Variants in ABCB10 observed in about 807,000 individuals in gnomAD.
The protein encoded by ABCB10 is ATP-binding cassette sub-family B member 10, mitochondrial.
ABCB10 carries 54 observed loss-of-function variants against 65.4 expected under a neutral mutation model. The observed-to-expected ratio is 0.83, with a 90% CI of 0.66 to 1.04. The LOEUF (loss-of-function observed/expected upper bound fraction) is 1.04, where lower values mean the gene tolerates loss of function less well. Ranked by LOEUF, ABCB10 falls within the 50% of genes least tolerant of loss-of-function variation. The pLI, the probability that ABCB10 is intolerant of heterozygous loss-of-function variation, is 0.00. For synonymous variants in ABCB10, 418 were observed against 406.5 expected (o/e 1.03, Z -0.34); for missense variants, 846 against 976.6 (o/e 0.87, Z 1.78).
At chr1:229,538,706 C>T (rs1213105017) in intron 6 of ABCB10, among the ~76,000 whole-genome samples, 2 of 152,188 alleles carry the variant, frequency 1.3e-5, no homozygotes, top group Non-Finnish European at 2.9e-5. Context: ...AATGCCTCTA[C>T]CTTCAACAAT....
At chr1:229,519,148 A>T (rs1293165937) in intron 11 of ABCB10, 7 of 311,700 alleles carry the variant, frequency 2.2e-5, no homozygotes, top group Non-Finnish European at 4.1e-5. Flanking sequence ...GCTGCTAAAG[A>T]GTAGAGGGTC....
intron 6 of ABCB10, among the ~76,000 whole-genome samples, chr1:229,536,011 C>T (rs1299960439): frequency 6.6e-6 from 1 of 152,072 alleles, no homozygotes; most frequent in Non-Finnish European, 1.5e-5. Flanking sequence ...CAGGAGTGAG[C>T]CACTGCGCCC....
chr1:229,521,481 A>T, intron 11 of ABCB10, 111 bp downstream of exon 11: 1 of 1,364,884 alleles, frequency 7.3e-7, no homozygotes, highest in Non-Finnish European at 1.0e-6. Context: ...AAGAAAAAAA[A>T]AAAAACAAAA....
rs780442894 is a variant in ABCB10 at position 229,517,952 on chromosome 1, A to G, written c.*227T>C. ...AGAAAAGAAAATACAAAACCTGAAAATAACTTCAGTGCTATAGACATTTAA... is the reference window on the plus strand; with the variant it reads ...AGAAAAGAAAATACAAAACCTGAAAGTAACTTCAGTGCTATAGACATTTAA... On this transcript the variant is annotated 3_prime_UTR_variant, in exon 13 of 13. Coordinates refer to ENST00000344517, the MANE Select transcript of ABCB10 (RefSeq NM_012089.3). 2.3e-6 allele frequency: 1 copy of G among 436,408 alleles called. No homozygotes were observed. Among genetic ancestry groups the G allele is most frequent in the Non-Finnish European group, 4.0e-6 (1 of 247,482 alleles). 27.0% of individuals were successfully genotyped at this position (436,408 alleles called of 1,614,324 possible).
chr1:229,524,393 G>A (rs1202496014), intron 10 of ABCB10, among the ~76,000 whole-genome samples: 1 of 152,006 alleles, frequency 6.6e-6, no homozygotes, highest in Non-Finnish European at 1.5e-5. Context: ...GAACTACTGA[G>A]CTCAAGCAAT....
intron 10 of ABCB10, among the ~76,000 whole-genome samples, chr1:229,524,144 A>G (rs1662377267): frequency 6.6e-6 from 1 of 151,990 alleles, no homozygotes; most frequent in Non-Finnish European, 1.5e-5. Flanking sequence ...CCCTCTGCTC[A>G]AACAGAGACA....
In ABCB10 at chr1:229,531,760, A is replaced by T. The variant is rs1451211941; in HGVS notation, c.1340-29T>A. On this transcript the variant is annotated intron_variant, in intron 6 of 12. Transcript: ENST00000344517. ...AGGATGAGAAGCAGAATCCACACAC[A>T]TGTCCATCACTGGCACTGGCACTGG... is the stretch of plus-strand genomic sequence containing the variant. 1.9e-6 allele frequency: 3 copies of T among 1,586,888 alleles called. No homozygotes were observed. In the African/African-American group the frequency reaches 4.0e-5, roughly 21 times the overall value.
chr1:229,534,395 GA>G (rs951185682), intron 6 of ABCB10, among the ~76,000 whole-genome samples: 42 of 152,014 alleles, frequency 2.8e-4, no homozygotes, highest in African/African-American at 9.9e-4. Flanking sequence ...TTTTTTGTAA[GA>G]AAAAAATTCA....
intron 6 of ABCB10, among the ~76,000 whole-genome samples, chr1:229,537,721 C>T (rs1367192929): frequency 6.6e-6 from 1 of 152,120 alleles, no homozygotes; most frequent in Non-Finnish European, 1.5e-5. Context: ...ACCCGGGAGG[C>T]GGGGGTTGCA....
At chr1:229,519,086 T>A (rs1263334849) in intron 11 of ABCB10, 1 of 419,002 alleles carries the variant, frequency 2.4e-6, no homozygotes, top group East Asian at 3.9e-5. Flanking sequence ...CTACAGATGG[T>A]GGATATCTGG....
chr1:229,518,729 G>A (rs1262202091), intron 12 of ABCB10, 112 bp downstream of exon 12: 1 of 992,802 alleles, frequency 1.0e-6, no homozygotes, highest in Non-Finnish European at 1.5e-6. Context: ...AGTAAAGGGG[G>A]GAAAAAGGAT....
chr1:229,547,375 CT>C lies in ABCB10; in HGVS notation c.921+123del, dbSNP rs1662994468. On this transcript the variant is annotated intron_variant, in intron 3 of 12. Transcript: ENST00000344517. ...CGTTCCAGCAGCTTCTGCAACAGCACTTTTGGCTCTAGGCACTTACAGAATG... is the reference window on the plus strand; with the variant it reads ...CGTTCCAGCAGCTTCTGCAACAGCACTTTGGCTCTAGGCACTTACAGAATG... 14 of 1,103,734 alleles carry C rather than the reference CT, an allele frequency of 1.3e-5. No individual in the cohort carries two copies. In the South Asian group the frequency reaches 1.7e-4, roughly 14 times the overall value. 68.4% of individuals were successfully genotyped at this position (1,103,734 alleles called of 1,614,324 possible).
At chr1:229,542,149 C>G in intron 4 of ABCB10, 88 bp downstream of exon 4, 1 of 1,478,902 alleles carries the variant, frequency 6.8e-7, no homozygotes, top group Non-Finnish European at 9.0e-7. Context: ...ATTGAAAAAC[C>G]TAAGTACATC....
At chr1:229,521,785 G>A (rs1424185438) in intron 10 of ABCB10, 150 bp from the exon 11 acceptor site, 2 of 679,326 alleles carry the variant, frequency 2.9e-6, no homozygotes, top group South Asian at 2.3e-5. Context: ...TTAAAATATA[G>A]GTTTAAAATA....
intron 6 of ABCB10, among the ~76,000 whole-genome samples, chr1:229,535,931 G>T (rs1662709363): frequency 6.6e-6 from 1 of 151,954 alleles, no homozygotes; most frequent in Non-Finnish European, 1.5e-5. Flanking sequence ...TTGCCATGTT[G>T]GCCAGGCTGG....
At chr1:229,557,525 CTATT>C (rs1385866319) in intron 1 of ABCB10, among the ~76,000 whole-genome samples, 1 of 152,138 alleles carries the variant, frequency 6.6e-6, no homozygotes, top group Non-Finnish European at 1.5e-5. Context: ...GAAAACTGTC[CTATT>C]TAAATTTTGT....
At chr1:229,529,282 C>A (rs2102687937) in intron 8 of ABCB10, among the ~76,000 whole-genome samples, 1 of 81,622 alleles carries the variant, frequency 1.2e-5, no homozygotes, top group Non-Finnish European at 2.1e-5. Flanking sequence ...GGCAACAGAG[C>A]AAGACTCCGT....
intron 1 of ABCB10, among the ~76,000 whole-genome samples, chr1:229,551,465 C>T (rs2102709805): frequency 6.6e-6 from 1 of 152,210 alleles, no homozygotes; most frequent in East Asian, 1.9e-4. Context: ...ATCTCAATCA[C>T]TATTTTGTTG....
intron 6 of ABCB10, among the ~76,000 whole-genome samples, chr1:229,532,276 C>T (rs1662605420): frequency 6.6e-6 from 1 of 152,144 alleles, no homozygotes; most frequent in Non-Finnish European, 1.5e-5. Flanking sequence ...CTAATAAGGA[C>T]TTAATGTTTG....
Sources: allele counts gnomAD v4.1 joint callset (sites outside exome capture counted in the v4.1 genomes callset), GRCh38; gene constraint gnomAD v4.1.1; transcripts MANE v1.5; gene names NCBI Gene and HGNC (gene_info 2026-07-23, HGNC 2026-07-21).